The following UNC13B variants were observed in gnomAD, a reference collection of about 807,000 sequenced individuals.
The protein encoded by UNC13B is protein unc-13 homolog B.
A neutral mutation model predicts 211.0 loss-of-function variants in UNC13B; 144 were observed. The ratio of observed to expected loss-of-function variants is 0.68; its 90% CI spans 0.60 to 0.78. UNC13B has a LOEUF of 0.78. UNC13B is among the 30% of genes least tolerant of loss of function. The probability of loss-of-function intolerance (pLI) is 0.00; values close to 1 mark genes in which losing one functional copy is unlikely to be tolerated. For missense variants in UNC13B, 1,777 were observed against 2,002.0 expected, an observed-to-expected ratio of 0.89 and a Z score of 2.14; for synonymous variants, 709 against 725.8, an observed-to-expected ratio of 0.98 and a Z score of 0.37.
In UNC13B at chr9:35,364,679, G is replaced by T. The variant is rs1216369121; in HGVS notation, c.9415-2268G>T. 1.2e-5 allele frequency: 14 copies of T among 1,205,700 alleles called. No homozygotes were observed. In the South Asian group the frequency reaches 2.2e-4, roughly 19 times the overall value. The allele number at this position is 1,205,700 out of a possible 1,614,324, so 74.7% of individuals were successfully genotyped here. On this transcript the variant is annotated intron_variant, in intron 11 of 39. Transcript: ENST00000635942. ...TGTGTGTGTGTACATGCACATGTGC[G>T]TGCATGATCTGTGCCTCTGAGCTTT...
At chr9:35,270,610 A>C (rs1004189413) in intron 7 of UNC13B, among the ~76,000 whole-genome samples, 1 of 152,172 alleles carries the variant, frequency 6.6e-6, no homozygotes, top group Non-Finnish European at 1.5e-5. Flanking sequence ...CTTAGAATAT[A>C]AACTCACATA....
At chr9:35,190,059 C>T (rs1822569778) in intron 1 of UNC13B, among the ~76,000 whole-genome samples, 1 of 152,178 alleles carries the variant, frequency 6.6e-6, no homozygotes, top group African/African-American at 2.4e-5. Flanking sequence ...GCCTAAGAAG[C>T]AGGCACAGCT....
intron 1 of UNC13B, among the ~76,000 whole-genome samples, chr9:35,225,894 G>A (rs1223269347): frequency 6.6e-6 from 1 of 152,102 alleles, no homozygotes; most frequent in Non-Finnish European, 1.5e-5. Context: ...GACGTGTGAG[G>A]AGTTGACAGT....
rs761738217 is a variant in UNC13B at position 35,403,476 on chromosome 9, G to T, written c.12614G>T (p.Gly4205Val). ...AANDLKWQTA[G>V]MFRPFVEVTM... ...AATGACCTCAAGTGGCAGACAGCGG[G>T]TATGTTCCGGCCTTTCGTGGAGGTG... Residue 4205 changes from glycine (G) to valine (V), a missense_variant, in exon 39 of 40, where the codon GGT (glycine) becomes GTT (valine). Coordinates refer to ENST00000635942, the MANE Select transcript of UNC13B (RefSeq NM_001371189.2). 6.2e-7 allele frequency: 1 copy of T among 1,614,052 alleles called. No homozygotes were observed. Among genetic ancestry groups the T allele is most frequent in the Non-Finnish European group, 8.5e-7 (1 of 1,180,010 alleles).
At chr9:35,315,765 A>T (rs1465083611) in intron 11 of UNC13B, among the ~76,000 whole-genome samples, 1 of 152,168 alleles carries the variant, frequency 6.6e-6, no homozygotes, top group African/African-American at 2.4e-5. Context: ...ATATCTCTTT[A>T]GCTTCGTTCG....
chr9:35,397,188 G>A lies in UNC13B; in HGVS notation c.11554G>A (p.Ala3852Thr), dbSNP rs767598519. 3.1e-6 allele frequency: 5 copies of A among 1,614,184 alleles called. No individual in the cohort carries two copies. The South Asian group carries it at 5.5e-5, about 18-fold the overall frequency. ...TTAGTTCCAGCAGACATCAGAGCAT[G>A]CACTCTTTTCCTGCTCTGTGGTGGA... ...KDGFQQTSEH[A>T]LFSCSVVDVF... The change falls in exon 29 of 40, where the codon GCA becomes ACA. Residue 3852 changes from alanine to threonine, a missense_variant. Coordinates refer to ENST00000635942, the MANE Select transcript of UNC13B (RefSeq NM_001371189.2).
intron 1 of UNC13B, among the ~76,000 whole-genome samples, chr9:35,207,128 A>G (rs1261301612): frequency 6.6e-6 from 1 of 152,158 alleles, no homozygotes; most frequent in Non-Finnish European, 1.5e-5. Flanking sequence ...ATTCAAGCTC[A>G]AAGTTACTAT....
intron 11 of UNC13B, among the ~76,000 whole-genome samples, chr9:35,365,348 G>C (rs1833708686): frequency 6.6e-6 from 1 of 152,204 alleles, no homozygotes. Context: ...CACAAGTTGT[G>C]TGTACTATGT....
At chr9:35,235,051 A>G (rs947363366) in intron 3 of UNC13B, among the ~76,000 whole-genome samples, 3 of 152,170 alleles carry the variant, frequency 2.0e-5, no homozygotes, top group Non-Finnish European at 2.9e-5. Context: ...TTTCTGGAGA[A>G]CGTTTTTAGC....
chr9:35,261,483 T>G (rs1347203510), intron 7 of UNC13B, among the ~76,000 whole-genome samples: 6 of 152,100 alleles, frequency 3.9e-5, no homozygotes, highest in Non-Finnish European at 8.8e-5. Context: ...TATTTATTTT[T>G]TAATTTTTAT....
intron 5 of UNC13B, among the ~76,000 whole-genome samples, chr9:35,241,507 A>G (rs778687491): frequency 1.5e-4 from 23 of 151,774 alleles, no homozygotes; most frequent in Non-Finnish European, 3.1e-4. Flanking sequence ...ATAGGCTACC[A>G]CTATTAATAC....
In UNC13B at chr9:35,295,808, G is replaced by A; in HGVS notation, c.639G>A (p.Val213=). ...YHTASQPNAS[V]HQFPVPVRSP... is the part of the protein sequence containing the mutation. ...CAGCTTCCCAGCCCAACGCTTCTGTGCACCAGTTCCCTGTGCCGGTGCGAT... is the reference window on the plus strand; with the variant it reads ...CAGCTTCCCAGCCCAACGCTTCTGTACACCAGTTCCCTGTGCCGGTGCGAT... Residue 213 remains valine (V), a synonymous_variant, in exon 8 of 40, where the codon GTG becomes GTA. Coordinates refer to ENST00000635942, the MANE Select transcript of UNC13B (RefSeq NM_001371189.2). 3 of 1,614,124 alleles carry A rather than the reference G, an allele frequency of 1.9e-6. No individual in the cohort carries two copies. The highest frequency in any genetic ancestry group is 1.7e-6 in the Non-Finnish European group (2 of 1,180,028).
chr9:35,385,379 G>A (rs75906518), intron 22 of UNC13B: 1 of 985,420 alleles, frequency 1.0e-6, no homozygotes, highest in Non-Finnish European at 1.2e-6. Flanking sequence ...AGAACTCACT[G>A]TTGGTGTGTA....
chr9:35,329,694 G>T (rs1315670597), intron 11 of UNC13B, among the ~76,000 whole-genome samples: 5 of 152,034 alleles, frequency 3.3e-5, no homozygotes, highest in African/African-American at 7.2e-5. Flanking sequence ...TCTCTATGTT[G>T]CCCAGGCTGG....
At chr9:35,168,732 C>T (rs2131249587) in intron 1 of UNC13B, among the ~76,000 whole-genome samples, 1 of 141,578 alleles carries the variant, frequency 7.1e-6, no homozygotes, top group South Asian at 2.2e-4. Context: ...TACAGGGTCT[C>T]ACTCTGTTGC....
chr9:35,390,643 T>G lies in UNC13B; in HGVS notation c.11237T>G (p.Leu3746Trp), dbSNP rs775802001. Reference sequence around the variant, plus strand: ...CTGTCATCCAGGTTTCCTCAGGAGTTGAATGTGGGAAAAGTCAGCGCAGAA... The same window carrying G: ...CTGTCATCCAGGTTTCCTCAGGAGTGGAATGTGGGAAAAGTCAGCGCAGAA... ...TPVLNQFPQE[L>W]NVGKVSAEVM... is the part of the protein sequence containing the mutation. Residue 3746 changes from leucine to tryptophan, a missense_variant, in exon 26 of 40, where the codon TTG becomes TGG. Coordinates refer to ENST00000635942, the MANE Select transcript of UNC13B (RefSeq NM_001371189.2). The G allele has an allele frequency of 1.9e-6, 3 of 1,613,890 alleles. No individual in the cohort carries two copies.
At position 35,397,303 on chromosome 9, in the gene UNC13B, T is replaced by G. The variant is rs1005236662; in HGVS notation, c.11669T>G (p.Phe3890Cys). 1.2e-6 allele frequency: 2 copies of G among 1,613,956 alleles called. No homozygotes were observed. ...ATCCTTGCCCACTACATGAGGAGGT[T>G]TGCTAAGGTGACCATAACTCTTCCT... is the stretch of plus-strand genomic sequence containing the variant. ...PSILAHYMRR[F>C]AKTIGKVLMQ... Residue 3890 changes from phenylalanine (F) to cysteine (C), a missense_variant, in exon 29 of 40, where the codon TTT (phenylalanine) becomes TGT (cysteine). Phe to Cys is a radical substitution (Grantham distance 205). Coordinates refer to ENST00000635942, the MANE Select transcript of UNC13B (RefSeq NM_001371189.2).
At chr9:35,285,848 A>G (rs188298827) in intron 7 of UNC13B, among the ~76,000 whole-genome samples, 1 of 152,348 alleles carries the variant, frequency 6.6e-6, no homozygotes, top group East Asian at 1.9e-4. Flanking sequence ...ATTTCAGCAG[A>G]ATTAACTACT....
rs1564139384 is a variant in UNC13B at position 35,328,642 on chromosome 9, T to TCCTC, written c.9414+14656_9414+14657insCCCT. Among the ~76,000 whole-genome samples, 27 of 84,412 alleles carry TCCTC rather than the reference T, an allele frequency of 3.2e-4. 1 individual carries two copies. The highest frequency in any genetic ancestry group is 1.3e-3 in the South Asian group (3 of 2,300). 55.4% of individuals were successfully genotyped at this position (84,412 alleles called of 152,430 possible). On this transcript the variant is annotated intron_variant, in intron 11 of 39. Transcript: ENST00000635942. Reference sequence around the variant, plus strand: ...TTCCTTCCTTCCTTCCTTCCTTCCTTCCTTCCTTCCTTCCTTCCTTCCTCC... The same window carrying TCCTC: ...TTCCTTCCTTCCTTCCTTCCTTCCTTCCTCCCTTCCTTCCTTCCTTCCTTCCTCC...
Sources: allele counts gnomAD v4.1 joint callset (sites outside exome capture counted in the v4.1 genomes callset), GRCh38; gene constraint gnomAD v4.1.1; transcripts MANE v1.5; gene names NCBI Gene and HGNC (gene_info 2026-07-23, HGNC 2026-07-21).